CDH18: variants seen among roughly 807,000 people sequenced by gnomAD.
CDH18 encodes the protein cadherin 18, also known as cadherin-18.
In CDH18, 31 loss-of-function variants were observed where a neutral mutation model predicts 67.9. The ratio of observed to expected loss-of-function variants is 0.46; its 90% CI spans 0.34 to 0.62. The LOEUF (loss-of-function observed/expected upper bound fraction) is 0.62, where lower values mean the gene tolerates loss of function less well. Among genes scored for constraint, CDH18 ranks in the 20% least tolerant of loss-of-function variants. The pLI, the probability that CDH18 is intolerant of heterozygous loss-of-function variation, is 0.01. For missense variants in CDH18, 890 were observed against 975.5 expected (o/e 0.91, Z 1.17); for synonymous variants, 362 against 347.2 (o/e 1.04, Z -0.48).
At chr5:20,047,233 T>A (rs1740984463) in intron 2 of CDH18, among the ~76,000 whole-genome samples, 1 of 151,850 alleles carries the variant, frequency 6.6e-6, no homozygotes, top group African/African-American at 2.4e-5. Flanking sequence ...AGAGGGTTTA[T>A]ATATGAATGC....
Position 20,429,511 on chromosome 5 carries a change from G to A in CDH18, c.-580+145951C>T, listed in dbSNP as rs548151409. On this transcript the variant is annotated intron_variant, in intron 1 of 14. Transcript: ENST00000507958. The stretch of plus-strand genomic sequence containing the variant: ...TAAACTCCTATTTATCTGTAGTCAG[G>A]TCTGGACTGAATAAGTGTTTTGTCA... 5.3e-5 allele frequency among the ~76,000 whole-genome samples: 8 copies of A among 152,194 alleles called. No homozygotes were observed. In the South Asian group the frequency reaches 1.5e-3, roughly 28 times the overall value.
chr5:19,638,499 T>C (rs568083073), intron 5 of CDH18, among the ~76,000 whole-genome samples: 2 of 152,128 alleles, frequency 1.3e-5, no homozygotes, highest in Non-Finnish European at 2.9e-5. Context: ...AAGGTGGTAG[T>C]TAGATGAAGA....
intron 5 of CDH18, among the ~76,000 whole-genome samples, chr5:19,668,586 C>A (rs547223368): frequency 1.7e-4 from 26 of 151,984 alleles, no homozygotes; most frequent in African/African-American, 6.0e-4. Flanking sequence ...GTATCAGTTT[C>A]GCTTCATTTT....
intron 2 of CDH18, among the ~76,000 whole-genome samples, chr5:20,164,822 G>A (rs1417217543): frequency 6.6e-6 from 1 of 152,084 alleles, no homozygotes; most frequent in Non-Finnish European, 1.5e-5. Flanking sequence ...GACTTTTCTT[G>A]TAAATTGAAC....
At chr5:19,997,931 C>T (rs2150396620) in intron 2 of CDH18, among the ~76,000 whole-genome samples, 1 of 152,176 alleles carries the variant, frequency 6.6e-6, no homozygotes, top group African/African-American at 2.4e-5. Context: ...AGGAAGAAGG[C>T]AGAGAGCATG....
At chr5:20,348,942 A>G (rs1258835793) in intron 1 of CDH18, among the ~76,000 whole-genome samples, 1 of 152,178 alleles carries the variant, frequency 6.6e-6, no homozygotes, top group Admixed American at 6.5e-5. Flanking sequence ...ACTTTTCCTT[A>G]AATAAGTATA....
intron 2 of CDH18, among the ~76,000 whole-genome samples, chr5:20,141,290 G>A (rs2126525190): frequency 6.6e-6 from 1 of 152,258 alleles, no homozygotes; most frequent in Non-Finnish European, 1.5e-5. Context: ...TGATGATGCT[G>A]CGAGGAGAGA....
At chr5:20,220,222 A>C (rs1741116264) in intron 2 of CDH18, among the ~76,000 whole-genome samples, 1 of 152,080 alleles carries the variant, frequency 6.6e-6, no homozygotes, top group African/African-American at 2.4e-5. Flanking sequence ...ACATCAAATT[A>C]TACTACAGAG....
intron 12 of CDH18, among the ~76,000 whole-genome samples, chr5:19,480,526 C>T (rs1387513058): frequency 7.3e-5 from 11 of 151,578 alleles, no homozygotes; most frequent in Middle Eastern, 3.4e-3. Context: ...TACAGGCGCC[C>T]GCCACCAAGC....
chr5:20,163,548 CTATT>C (rs1295062185), intron 2 of CDH18, among the ~76,000 whole-genome samples: 2 of 152,186 alleles, frequency 1.3e-5, no homozygotes, highest in Middle Eastern at 3.4e-3. Context: ...TTCTATGTAT[CTATT>C]CATGTGAAGA....
intron 2 of CDH18, among the ~76,000 whole-genome samples, chr5:20,254,175 C>T (rs188289997): frequency 3.3e-5 from 5 of 152,244 alleles, no homozygotes; most frequent in Non-Finnish European, 7.4e-5. Context: ...TGCAGTGGTG[C>T]GATCTTGGCT....
At chr5:20,510,343 CGCCCCTTCCTCTGTTGTTATGCAGT>C (rs1754955917) in intron 1 of CDH18, among the ~76,000 whole-genome samples, 1 of 152,096 alleles carries the variant, frequency 6.6e-6, no homozygotes, top group Admixed American at 6.6e-5. Context: ...GTCTGTGAGG[CGCCCCTTCCTCTGTTGTTATGCAGT>C]GCCCCTTCCT....
intron 1 of CDH18, among the ~76,000 whole-genome samples, chr5:20,335,166 C>T (rs1326659130): frequency 6.6e-6 from 1 of 152,048 alleles, no homozygotes; most frequent in Non-Finnish European, 1.5e-5. Flanking sequence ...CATTATGCCT[C>T]CTGCTTGATG....
intron 3 of CDH18, among the ~76,000 whole-genome samples, chr5:19,804,355 T>C (rs1377873692): frequency 1.3e-5 from 2 of 151,960 alleles, no homozygotes; most frequent in African/African-American, 4.8e-5. Flanking sequence ...AAATGTGTAC[T>C]TGACAACTAT....
At position 19,780,083 on chromosome 5, in the gene CDH18, AC is replaced by A. The variant is rs569413022; in HGVS notation, c.229-32848del. On this transcript the variant is annotated intron_variant, in intron 3 of 12. Transcript: ENST00000382275. ...TTAGCTTAATGTACCCTTCATTAGA[AC>A]CTTCTTAGAATAGGGCAGTATCTGT... 2.4e-3 allele frequency among the ~76,000 whole-genome samples: 369 copies of A among 152,234 alleles called. 1 individual carries two copies. Among genetic ancestry groups the A allele is most frequent in the African/African-American group, 8.1e-3 (337 of 41,562 alleles).
intron 5 of CDH18, among the ~76,000 whole-genome samples, chr5:19,661,391 T>C (rs567528887): frequency 1.3e-5 from 2 of 152,056 alleles, no homozygotes; most frequent in Admixed American, 6.6e-5. Flanking sequence ...GGTGTGCTTG[T>C]AAATCAAAAA....
chr5:20,019,049 G>A (rs972697748), intron 2 of CDH18, among the ~76,000 whole-genome samples: 9 of 142,172 alleles, frequency 6.3e-5, no homozygotes, highest in African/African-American at 8.2e-5. Flanking sequence ...CGCCCATCTC[G>A]GCCTCCCAAA....
intron 1 of CDH18, among the ~76,000 whole-genome samples, chr5:20,558,777 A>C (rs1758050052): frequency 6.6e-6 from 1 of 152,000 alleles, no homozygotes; most frequent in African/African-American, 2.4e-5. Context: ...CAATCATGCA[A>C]TTCAGAAGAA....
chr5:20,040,846 T>C (rs1176132261), intron 2 of CDH18, among the ~76,000 whole-genome samples: 2 of 152,166 alleles, frequency 1.3e-5, no homozygotes, highest in East Asian at 1.9e-4. Flanking sequence ...GCTGGGCCAA[T>C]TGATCTCTAA....
Sources: gnomAD v4.1 joint callset for allele counts (sites outside exome capture counted in the v4.1 genomes callset) on GRCh38, gnomAD v4.1.1 for gene constraint, MANE v1.5 for transcripts, NCBI Gene and HGNC (gene_info 2026-07-23, HGNC 2026-07-21) for gene names.